Variants in CNIH3 observed in about 807,000 individuals in gnomAD.
The protein encoded by CNIH3 is protein cornichon homolog 3.
CNIH3 carries 14 observed loss-of-function variants against 24.1 expected under a neutral mutation model. The observed-to-expected ratio is 0.58, with a 90% CI of 0.38 to 0.91. CNIH3 has a LOEUF of 0.91. CNIH3 is among the 40% of genes least tolerant of loss of function. The pLI, the probability that CNIH3 is intolerant of heterozygous loss-of-function variation, is 0.00. For synonymous variants in CNIH3, 68 were observed against 73.8 expected (o/e 0.92, Z 0.40); for missense variants, 178 against 196.8 (o/e 0.90, Z 0.57).
chr1:224,464,699 A>C (rs1016139477), intron 1 of CNIH3, among the ~76,000 whole-genome samples: 11 of 152,184 alleles, frequency 7.2e-5, no homozygotes, highest in African/African-American at 2.7e-4. Flanking sequence ...ATTTATACCA[A>C]ACCACACTGT....
chr1:224,628,310 G>A (rs1170988890), intron 1 of CNIH3, among the ~76,000 whole-genome samples: 2 of 152,052 alleles, frequency 1.3e-5, no homozygotes, highest in Non-Finnish European at 2.9e-5. Context: ...TTTTTAAACC[G>A]TTTTTAAGTG....
chr1:224,731,192 C>T (rs1689307469), intron 4 of CNIH3, among the ~76,000 whole-genome samples: 1 of 151,908 alleles, frequency 6.6e-6, no homozygotes, highest in Admixed American at 6.6e-5. Context: ...GATGGTTGCA[C>T]AACTCTATGA....
At chr1:224,686,255 T>C (rs1227048053) in intron 3 of CNIH3, among the ~76,000 whole-genome samples, 1 of 149,396 alleles carries the variant, frequency 6.7e-6, no homozygotes, top group Non-Finnish European at 1.5e-5. Context: ...GAACATGCAG[T>C]GTTTGGTTTT....
chr1:224,517,491 T>C (rs1218321628), intron 1 of CNIH3, among the ~76,000 whole-genome samples: 1 of 152,120 alleles, frequency 6.6e-6, no homozygotes. Flanking sequence ...ATTATTATTA[T>C]TTCAGTAGTT....
chr1:224,463,553 T>G (rs1676018396), intron 1 of CNIH3, among the ~76,000 whole-genome samples: 1 of 149,700 alleles, frequency 6.7e-6, no homozygotes, highest in Non-Finnish European at 1.5e-5. Flanking sequence ...GGGTTAGGCA[T>G]GTGCCACCAT....
At chr1:224,466,408 C>T (rs956403438) in intron 1 of CNIH3, among the ~76,000 whole-genome samples, 5 of 152,196 alleles carry the variant, frequency 3.3e-5, no homozygotes, top group Non-Finnish European at 7.3e-5. Context: ...CCTTGAGAAC[C>T]AGCCAAGGCC....
chr1:224,704,751 C>T lies in CNIH3; in HGVS notation c.198+19908C>T, dbSNP rs990699087. 6.6e-6 allele frequency among the ~76,000 whole-genome samples: 1 copy of T among 152,178 alleles called. No homozygotes were observed. The highest frequency in any genetic ancestry group is 6.5e-5 in the Admixed American group (1 of 15,280). ...TCACCTAGTCATAGTCACATTTCCCCTAGTTTCCCTATAGTATTCTTTATA... is the reference window on the plus strand; with the variant it reads ...TCACCTAGTCATAGTCACATTTCCCTTAGTTTCCCTATAGTATTCTTTATA... On this transcript the variant is annotated intron_variant, in intron 3 of 5. Coordinates refer to ENST00000272133, the MANE Select transcript of CNIH3 (RefSeq NM_152495.2). This position sits in a 1 kb window ranked among gnomAD's most constrained non-coding sequence, Gnocchi z 4.2.
At chr1:224,543,534 T>C (rs1239887052) in intron 2 of CNIH3, among the ~76,000 whole-genome samples, 1 of 152,192 alleles carries the variant, frequency 6.6e-6, no homozygotes, top group African/African-American at 2.4e-5. Flanking sequence ...GACAGTGCTG[T>C]TGGAGACCAT....
chr1:224,684,020 A>T lies in CNIH3; in HGVS notation c.151-776A>T, dbSNP rs1686527559. Among the ~76,000 whole-genome samples, 1 of 152,250 alleles carries T rather than the reference A, an allele frequency of 6.6e-6. No homozygotes were observed. The highest frequency in any genetic ancestry group is 2.1e-4 in the South Asian group (1 of 4,832). ...CCTGTCCTTTCCAGAGCCATGAGGA[A>T]TCTCATTACCATTCCATCTACAGCA... is the stretch of plus-strand genomic sequence containing the variant. On this transcript the variant is annotated intron_variant, in intron 2 of 5. Transcript: ENST00000272133. This position sits in a 1 kb window ranked among gnomAD's most constrained non-coding sequence, Gnocchi z 4.2.
intron 1 of CNIH3, among the ~76,000 whole-genome samples, chr1:224,659,478 T>A (rs576459547): frequency 6.6e-6 from 1 of 152,196 alleles, no homozygotes; most frequent in African/African-American, 2.4e-5. Context: ...TGTGATTGCT[T>A]CTCCTTATGG....
chr1:224,536,943 G>A (rs1044571053), exon 3 of CNIH3: 3 of 152,208 alleles, frequency 2.0e-5, no homozygotes, highest in Admixed American at 6.5e-5. Flanking sequence ...CAGGATTGTG[G>A]TGAGGAGCAA....
chr1:224,641,849 T>C (rs903109407), intron 1 of CNIH3, among the ~76,000 whole-genome samples: 1 of 152,200 alleles, frequency 6.6e-6, no homozygotes, highest in Non-Finnish European at 1.5e-5. Context: ...ATTTTCCTGG[T>C]GCTCCCAGGC....
intron 1 of CNIH3, among the ~76,000 whole-genome samples, chr1:224,680,275 T>C (rs553249966): frequency 2.5e-4 from 38 of 152,340 alleles, no homozygotes; most frequent in African/African-American, 7.9e-4. Context: ...TAGGTCCTTC[T>C]GTGGAGGGCC....
chr1:224,542,948 G>A (rs1679569237), intron 2 of CNIH3, among the ~76,000 whole-genome samples: 1 of 152,212 alleles, frequency 6.6e-6, no homozygotes, highest in African/African-American at 2.4e-5. Context: ...GGTGGGTCCT[G>A]ATTGCTTATG....
At chr1:224,504,638 C>T (rs114111578) in intron 1 of CNIH3, among the ~76,000 whole-genome samples, 2 of 152,096 alleles carry the variant, frequency 1.3e-5, no homozygotes, top group Non-Finnish European at 2.9e-5. Flanking sequence ...TCCAACCCCA[C>T]CTTAATCTTT....
At chr1:224,671,918 T>G (rs1291463789) in intron 1 of CNIH3, among the ~76,000 whole-genome samples, 1 of 152,204 alleles carries the variant, frequency 6.6e-6, no homozygotes, top group African/African-American at 2.4e-5. Flanking sequence ...AACACTTGCA[T>G]GTAGCAGTTT....
chr1:224,717,408 A>G (rs1688483802), intron 3 of CNIH3: 1 of 152,218 alleles, frequency 6.6e-6, no homozygotes, highest in Non-Finnish European at 1.5e-5. Flanking sequence ...ATTACCTCCC[A>G]AAGACACCAC....
At chr1:224,516,345 A>G (rs940145836) in intron 1 of CNIH3, among the ~76,000 whole-genome samples, 2 of 144,776 alleles carry the variant, frequency 1.4e-5, no homozygotes, top group South Asian at 2.2e-4. Flanking sequence ...AAAAAAATCC[A>G]TGCACTTCGG....
At chr1:224,486,222 C>T (rs1053553164) in intron 1 of CNIH3, among the ~76,000 whole-genome samples, 2 of 152,124 alleles carry the variant, frequency 1.3e-5, no homozygotes, top group Non-Finnish European at 2.9e-5. Flanking sequence ...CCTCCCACCT[C>T]AGCCTCCCCA....
Sources: allele counts gnomAD v4.1 joint callset (sites outside exome capture counted in the v4.1 genomes callset), GRCh38; gene constraint gnomAD v4.1.1; non-coding constraint Gnocchi (gnomAD v3.1); transcripts MANE v1.5; gene names NCBI Gene and HGNC (gene_info 2026-07-23, HGNC 2026-07-21).